ADAMTSL1: variants seen among roughly 807,000 people sequenced by gnomAD.
ADAMTSL1 encodes the protein ADAMTS-like protein 1.
Under a neutral mutation model 201.8 loss-of-function variants are expected in ADAMTSL1, and 126 were observed. That is an observed-to-expected ratio of 0.62 (90% CI 0.54 to 0.72). The LOEUF (loss-of-function observed/expected upper bound fraction) is 0.72. Ranked by LOEUF, ADAMTSL1 falls within the 30% of genes least tolerant of loss-of-function variation. The probability of loss-of-function intolerance (pLI) is 0.00; values close to 1 mark genes in which losing one functional copy is unlikely to be tolerated. For synonymous variants in ADAMTSL1, 1,121 were observed against 903.4 expected, an observed-to-expected ratio of 1.24 and a Z score of -4.32; for missense variants, 2,679 against 2,277.8, an observed-to-expected ratio of 1.18 and a Z score of -3.59.
intron 4 of ADAMTSL1, among the ~76,000 whole-genome samples, chr9:18,577,675 A>G (rs1208004069): frequency 6.6e-6 from 1 of 152,238 alleles, no homozygotes; most frequent in Non-Finnish European, 1.5e-5. Context: ...AGTGCTGTAG[A>G]AATGTAGAAG....
intron 2 of ADAMTSL1, among the ~76,000 whole-genome samples, chr9:18,270,948 T>A (rs1832336523): frequency 6.6e-6 from 1 of 152,014 alleles, no homozygotes; most frequent in Non-Finnish European, 1.5e-5. Context: ...AAGAAGGGAG[T>A]AGGACCACAA....
chr9:18,177,895 G>C (rs1389536170), intron 2 of ADAMTSL1, among the ~76,000 whole-genome samples: 2 of 152,168 alleles, frequency 1.3e-5, no homozygotes, highest in Non-Finnish European at 1.5e-5. Flanking sequence ...GATATAGTAG[G>C]TGAAACAATA....
chr9:18,568,255 C>T (rs1822065867), intron 3 of ADAMTSL1, among the ~76,000 whole-genome samples: 1 of 151,908 alleles, frequency 6.6e-6, no homozygotes, highest in African/African-American at 2.4e-5. Context: ...TGGATATTTG[C>T]TATTCAGTGC....
At chr9:18,553,379 T>C (rs541414270) in intron 3 of ADAMTSL1, among the ~76,000 whole-genome samples, 1 of 151,852 alleles carries the variant, frequency 6.6e-6, no homozygotes, top group Non-Finnish European at 1.5e-5. Context: ...TCAAACACTT[T>C]AGCTCTGATT....
chr9:18,055,736 G>A (rs374323539), intron 1 of ADAMTSL1, among the ~76,000 whole-genome samples: 4 of 152,190 alleles, frequency 2.6e-5, no homozygotes, highest in Non-Finnish European at 5.9e-5. Flanking sequence ...AGCAGTTTAG[G>A]ATATTTATGA....
intron 1 of ADAMTSL1, among the ~76,000 whole-genome samples, chr9:17,999,128 T>A (rs1199831886): frequency 1.3e-5 from 2 of 151,984 alleles, no homozygotes; most frequent in Non-Finnish European, 2.9e-5. Flanking sequence ...GAGAAAAAAT[T>A]GATAAAAGCA....
chr9:18,542,947 T>C (rs971474040), intron 3 of ADAMTSL1, among the ~76,000 whole-genome samples: 10 of 152,218 alleles, frequency 6.6e-5, no homozygotes, highest in African/African-American at 2.2e-4. Flanking sequence ...AGGAGAATGT[T>C]AGACCTCATT....
At chr9:18,814,645 A>T (rs543449863) in intron 20 of ADAMTSL1, among the ~76,000 whole-genome samples, 30 of 152,324 alleles carry the variant, frequency 2.0e-4, no homozygotes, top group African/African-American at 7.0e-4. Flanking sequence ...AGAAAACCAA[A>T]TACTGCATGT....
chr9:18,019,486 A>C (rs1304324282), intron 1 of ADAMTSL1, among the ~76,000 whole-genome samples: 1 of 152,100 alleles, frequency 6.6e-6, no homozygotes, highest in South Asian at 2.1e-4. Context: ...TTGGTGTTCT[A>C]TTCAGTCACA....
chr9:18,311,393 C>T (rs1191638010), intron 2 of ADAMTSL1, among the ~76,000 whole-genome samples: 2 of 152,020 alleles, frequency 1.3e-5, no homozygotes, highest in African/African-American at 4.8e-5. Context: ...CGTTTTATCA[C>T]TGTCATCTCC....
chr9:18,586,993 A>C (rs1409411636), intron 4 of ADAMTSL1, among the ~76,000 whole-genome samples: 3 of 152,152 alleles, frequency 2.0e-5, no homozygotes, highest in Non-Finnish European at 4.4e-5. Context: ...ATTAAAAAAA[A>C]ACTGTGGAAG....
chr9:18,740,559 C>G (rs1431161913), intron 15 of ADAMTSL1, among the ~76,000 whole-genome samples: 3 of 150,814 alleles, frequency 2.0e-5, no homozygotes, highest in Non-Finnish European at 2.9e-5. Context: ...TCATTGCAGC[C>G]TCCACCTCCC....
intron 4 of ADAMTSL1, among the ~76,000 whole-genome samples, chr9:18,590,182 A>G (rs1422204748): frequency 1.3e-5 from 2 of 152,024 alleles, no homozygotes; most frequent in East Asian, 3.9e-4. Context: ...TTGATGGAAG[A>G]CCATTTATTA....
At chr9:18,821,744 C>T (rs529881425) in intron 21 of ADAMTSL1, among the ~76,000 whole-genome samples, 1 of 152,206 alleles carries the variant, frequency 6.6e-6, no homozygotes, top group Admixed American at 6.5e-5. Flanking sequence ...CCTACCTCCA[C>T]ACCTCCTAGG....
At chr9:18,025,273 T>C (rs1284618615) in intron 1 of ADAMTSL1, among the ~76,000 whole-genome samples, 2 of 152,128 alleles carry the variant, frequency 1.3e-5, no homozygotes, top group Non-Finnish European at 2.9e-5. Context: ...GTGCCACTTG[T>C]CAATTTTTAT....
At chr9:18,638,101 G>A (rs192852178) in intron 6 of ADAMTSL1, among the ~76,000 whole-genome samples, 62 of 152,022 alleles carry the variant, frequency 4.1e-4, no homozygotes, top group Admixed American at 8.5e-4. Flanking sequence ...TTTTCGGTGG[G>A]ATCCCCTCTG....
intron 4 of ADAMTSL1, among the ~76,000 whole-genome samples, chr9:18,578,962 C>T (rs1161700117): frequency 6.6e-6 from 1 of 151,336 alleles, no homozygotes; most frequent in Non-Finnish European, 1.5e-5. Flanking sequence ...TTTTGATTTG[C>T]ATTTCTCTGA....
chr9:18,077,376 G>T (rs1279039253), intron 1 of ADAMTSL1, among the ~76,000 whole-genome samples: 1 of 152,208 alleles, frequency 6.6e-6, no homozygotes, highest in Non-Finnish European at 1.5e-5. Flanking sequence ...TCATGGAGAA[G>T]AGGAGGAGGT....
intron 20 of ADAMTSL1, among the ~76,000 whole-genome samples, chr9:18,807,441 G>C (rs113245250): frequency 6.6e-6 from 1 of 152,154 alleles, no homozygotes; most frequent in Non-Finnish European, 1.5e-5. Context: ...TCAGGAGATC[G>C]AGACCATCCT....
Sources: gnomAD v4.1 joint callset for allele counts (sites outside exome capture counted in the v4.1 genomes callset) on GRCh38, gnomAD v4.1.1 for gene constraint, MANE v1.5 for transcripts, NCBI Gene and HGNC (gene_info 2026-07-23, HGNC 2026-07-21) for gene names.